The following STK32B variants were observed in gnomAD, a reference collection of about 807,000 sequenced individuals.
STK32B encodes serine/threonine kinase 32B.
Under a neutral mutation model 52.6 loss-of-function variants are expected in STK32B, and 43 were observed. The observed-to-expected ratio is 0.82, with a 90% CI of 0.64 to 1.05. STK32B has a LOEUF of 1.05. Ranked by LOEUF, STK32B falls within the 50% of genes least tolerant of loss-of-function variation. STK32B has a pLI of 0.00. For synonymous variants in STK32B, 238 were observed against 204.3 expected, an observed-to-expected ratio of 1.17 and a Z score of -1.41; for missense variants, 621 against 534.6, an observed-to-expected ratio of 1.16 and a Z score of -1.59.
chr4:5,325,763 A>G (rs1731831231), intron 3 of STK32B, among the ~76,000 whole-genome samples: 1 of 152,228 alleles, frequency 6.6e-6, no homozygotes, highest in African/African-American at 2.4e-5. Flanking sequence ...TTACTGTGAT[A>G]GAGCTTAGCT....
At position 5,470,749 on chromosome 4, in the gene STK32B, A is replaced by G. The variant is rs116074677; in HGVS notation, c.1106+2679A>G. ...TGATTCATGACTCATGATTGCCTCA[A>G]AACAAGCATTTTTACTTTAAACCAA... On this transcript the variant is annotated intron_variant, in intron 11 of 11. Coordinates refer to ENST00000282908, the MANE Select transcript of STK32B (RefSeq NM_018401.3). This position sits in a 1 kb window ranked among gnomAD's most constrained non-coding sequence, Gnocchi z 4.6. Among the ~76,000 whole-genome samples the G allele has an allele frequency of 6.4e-4, 97 of 152,352 alleles. No individual in the cohort carries two copies. Among genetic ancestry groups the G allele is most frequent in the African/African-American group, 2.1e-3 (89 of 41,586 alleles).
At chr4:5,456,764 A>G (rs760919324) in intron 7 of STK32B, 43 bp from the exon 8 acceptor site, 4 of 1,500,548 alleles carry the variant, frequency 2.7e-6, no homozygotes, top group African/African-American at 1.4e-5. Flanking sequence ...GGTGCCTTCC[A>G]ATGGCTCTCT....
intron 3 of STK32B, among the ~76,000 whole-genome samples, chr4:5,321,576 A>G (rs533115466): frequency 6.9e-4 from 105 of 152,118 alleles, no homozygotes; most frequent in Non-Finnish European, 1.2e-3. Context: ...TTCGTTGTAC[A>G]TTTTTCCCAC....
At chr4:5,490,533 T>A (rs1719633598) in intron 11 of STK32B, among the ~76,000 whole-genome samples, 1 of 152,170 alleles carries the variant, frequency 6.6e-6, no homozygotes, top group Non-Finnish European at 1.5e-5. Context: ...AAAGATAAGT[T>A]ATTTTATTAT....
At chr4:5,247,474 C>A (rs1372385731) in intron 3 of STK32B, among the ~76,000 whole-genome samples, 2 of 152,164 alleles carry the variant, frequency 1.3e-5, no homozygotes, top group African/African-American at 4.8e-5. Flanking sequence ...CGTCTGTCAT[C>A]CCTTTCTTTG....
In STK32B at chr4:5,159,678, TATATATGAATATATATGA is replaced by T. The variant is rs1718247326; in HGVS notation, c.109-8614_109-8597del. ...ATATATATATGAATGTATATGAATA[TATATATGAATATATATGA>T]ATATATATGAATATATATATGAATG... On this transcript the variant is annotated intron_variant, in intron 2 of 11. Transcript: ENST00000282908. 4.2e-5 allele frequency among the ~76,000 whole-genome samples: 3 copies of T among 71,584 alleles called. 1 individual carries two copies. Among genetic ancestry groups the T allele is most frequent in the Admixed American group, 2.8e-4 (2 of 7,120 alleles). 47.0% of individuals were successfully genotyped at this position (71,584 alleles called of 152,430 possible). A position where few individuals can be genotyped will look rare whatever the true frequency, so the allele number is the denominator to read the frequency against.
chr4:5,467,403 C>T lies in STK32B; in HGVS notation c.1041+569C>T, dbSNP rs907721924. On this transcript the variant is annotated intron_variant, in intron 10 of 11. Coordinates refer to ENST00000282908, the MANE Select transcript of STK32B (RefSeq NM_018401.3). The surrounding 1 kb of genome is among the most constrained non-coding windows in gnomAD (Gnocchi z 5.8). Reference sequence around the variant, plus strand: ...TCGCTGGCTCGCAGCTGCATGGTTCCAGTCTCTCCCTCCGTCACTGCATGG... The same window carrying T: ...TCGCTGGCTCGCAGCTGCATGGTTCTAGTCTCTCCCTCCGTCACTGCATGG... Among the ~76,000 whole-genome samples the T allele has an allele frequency of 5.3e-5, 8 of 152,138 alleles. No individual in the cohort carries two copies. The highest frequency in any genetic ancestry group is 8.8e-5 in the Non-Finnish European group (6 of 68,026).
rs548326345 is a variant in STK32B, at chr4:5,324,763, G to A, written c.261-6457G>A. Among the ~76,000 whole-genome samples the A allele has an allele frequency of 3.3e-5, 5 of 152,356 alleles. No homozygotes were observed. The South Asian group carries it at 1.0e-3, about 32-fold the overall frequency. ...AGTGAGTGATGGACAAGAGGACAGA[G>A]GTGGTACACCAGGAATAAGGAATAT... On this transcript the variant is annotated intron_variant, in intron 3 of 11. Coordinates refer to ENST00000282908, the MANE Select transcript of STK32B (RefSeq NM_018401.3).
intron 4 of STK32B, among the ~76,000 whole-genome samples, chr4:5,332,186 A>C (rs1334751508): frequency 1.3e-5 from 2 of 152,202 alleles, no homozygotes; most frequent in Admixed American, 1.3e-4. Flanking sequence ...CCCTTGTTAA[A>C]CTCCATTAAA....
At chr4:5,076,529 T>C (rs1308940285) in intron 1 of STK32B, among the ~76,000 whole-genome samples, 1 of 152,204 alleles carries the variant, frequency 6.6e-6, no homozygotes, top group Non-Finnish European at 1.5e-5. Flanking sequence ...GTCTTCTGAA[T>C]CACAATTTGT....
At chr4:5,090,144 C>T (rs1277000764) in intron 1 of STK32B, among the ~76,000 whole-genome samples, 1 of 149,700 alleles carries the variant, frequency 6.7e-6, no homozygotes, top group Non-Finnish European at 1.5e-5. Flanking sequence ...CAAAAATTTT[C>T]TTCCATTCTA....
chr4:5,416,973 T>G (rs1712218537), intron 6 of STK32B, 39 bp downstream of exon 6: 1 of 1,561,758 alleles, frequency 6.4e-7, no homozygotes, highest in African/African-American at 1.4e-5. Flanking sequence ...GTGATCGGGC[T>G]CACTGCCTAA....
chr4:5,381,867 G>T (rs1179317532), intron 4 of STK32B, among the ~76,000 whole-genome samples: 1 of 152,100 alleles, frequency 6.6e-6, no homozygotes, highest in Non-Finnish European at 1.5e-5. Context: ...AACAGGATGT[G>T]TGCGTATGAA....
chr4:5,190,156 T>G (rs992092192), intron 3 of STK32B, among the ~76,000 whole-genome samples: 12 of 152,102 alleles, frequency 7.9e-5, no homozygotes, highest in African/African-American at 2.7e-4. Flanking sequence ...GCCTGTACAT[T>G]GACTAAAAAA....
intron 4 of STK32B, among the ~76,000 whole-genome samples, chr4:5,349,828 C>T (rs1733713504): frequency 6.6e-6 from 1 of 151,998 alleles, no homozygotes; most frequent in Non-Finnish European, 1.5e-5. Context: ...CTGAAGAATT[C>T]ATTTAATAAA....
At chr4:5,343,078 C>A (rs914739488) in intron 4 of STK32B, among the ~76,000 whole-genome samples, 10 of 151,150 alleles carry the variant, frequency 6.6e-5, no homozygotes, top group African/African-American at 2.4e-4. Context: ...TTAGGTATAT[C>A]TCCTAATGCT....
chr4:5,450,835 G>T (rs901983414), intron 7 of STK32B, among the ~76,000 whole-genome samples: 2 of 152,272 alleles, frequency 1.3e-5, no homozygotes, highest in African/African-American at 4.8e-5. Flanking sequence ...GAAAGCCTGT[G>T]TCCTTCCCAA....
chr4:5,417,883 A>G (rs544616872), intron 6 of STK32B, among the ~76,000 whole-genome samples: 126 of 152,300 alleles, frequency 8.3e-4, no homozygotes, highest in African/African-American at 2.7e-3. Flanking sequence ...GTCAGCTGGG[A>G]GCTAGGTTCA....
chr4:5,192,260 G>A (rs1721267749), intron 3 of STK32B, among the ~76,000 whole-genome samples: 1 of 152,126 alleles, frequency 6.6e-6, no homozygotes, highest in African/African-American at 2.4e-5. Context: ...TCGTGTTATT[G>A]AATTCCCAGC....
Sources: allele counts gnomAD v4.1 joint callset (sites outside exome capture counted in the v4.1 genomes callset), GRCh38; gene constraint gnomAD v4.1.1; non-coding constraint Gnocchi (gnomAD v3.1); transcripts MANE v1.5; gene names NCBI Gene and HGNC (gene_info 2026-07-23, HGNC 2026-07-21).